Variants in RNF212 observed in about 807,000 individuals in gnomAD.
The protein encoded by RNF212 is ring finger protein 212.
In RNF212, 33 loss-of-function variants were observed where a neutral mutation model predicts 34.7. The observed-to-expected ratio is 0.95, with a 90% CI of 0.72 to 1.27. The LOEUF is 1.27. RNF212 is among the 50% of genes most tolerant of loss of function. The probability of loss-of-function intolerance (pLI) is 0.00; values close to 1 mark genes in which losing one functional copy is unlikely to be tolerated. For synonymous variants in RNF212, 140 were observed against 136.1 expected, an observed-to-expected ratio of 1.03 and a Z score of -0.20; for missense variants, 377 against 362.2, an observed-to-expected ratio of 1.04 and a Z score of -0.33.
chr4:1,056,482 G>A (rs2153030962), exon 5 of RNF212: 2 of 985,140 alleles, frequency 2.0e-6, no homozygotes, highest in Admixed American at 6.1e-5. Flanking sequence ...CTTTGTCTTT[G>A]AAATGACTTC....
At chr4:1,091,390 G>C (rs1280113924) in intron 3 of RNF212, among the ~76,000 whole-genome samples, 1 of 152,214 alleles carries the variant, frequency 6.6e-6, no homozygotes, top group Non-Finnish European at 1.5e-5. Context: ...AAGGAGGAAA[G>C]AGAGTCCTGT....
chr4:1,079,147 TCAACACAGGAC>T (rs1187338246), intron 8 of RNF212, among the ~76,000 whole-genome samples: 4 of 139,870 alleles, frequency 2.9e-5, no homozygotes, highest in Admixed American at 7.0e-5. Context: ...CAACACAGGG[TCAACACAGGAC>T]CAACATAGGA....
At position 1,073,151 on chromosome 4, in the gene RNF212, G is replaced by A. The variant is rs774918798; in HGVS notation, c.617C>T (p.Thr206Ile). ...TCCGGGCACAGGGGGCTTAGACAAG[G>A]TCAACCATGGGATGAAACAGAAAGA... ...TASFCFIPWL[T>I]LSKPPVPGEC... The change falls in exon 10 of 10, where the codon ACC becomes ATC. Residue 206 changes from threonine to isoleucine, a missense_variant. Thr to Ile is a moderately conservative substitution (Grantham distance 89). Transcript: ENST00000433731. The A allele has an allele frequency of 1.9e-6, 3 of 1,614,170 alleles. No homozygotes were observed. Among genetic ancestry groups the A allele is most frequent in the Non-Finnish European group, 8.5e-7 (1 of 1,180,012 alleles).
chr4:1,109,010 CTTT>C (rs71168810), intron 1 of RNF212, among the ~76,000 whole-genome samples: 1 of 135,838 alleles, frequency 7.4e-6, no homozygotes. Context: ...CATAATTAGC[CTTT>C]TTTTTTTTTT....
intron 3 of RNF212, among the ~76,000 whole-genome samples, chr4:1,060,313 G>A (rs1384621836): frequency 1.3e-5 from 2 of 152,196 alleles, no homozygotes; most frequent in Non-Finnish European, 2.9e-5. Flanking sequence ...TGTCCCACAG[G>A]GCTTGGAGAA....
intron 2 of RNF212, among the ~76,000 whole-genome samples, chr4:1,104,039 T>C (rs190904341): frequency 2.0e-5 from 3 of 152,330 alleles, no homozygotes; most frequent in African/African-American, 4.8e-5. Flanking sequence ...CTAGAGACAG[T>C]TAAGAAAATC....
rs1491194367 is a variant in RNF212, at chr4:1,093,539, GAC to G, written c.247-2703_247-2702del. The stretch of plus-strand genomic sequence containing the variant: ...CACGAGGTCACTGGGCAGAGCCTGT[GAC>G]CTCCACGGCCCATGCCGGAAGCCTG... On this transcript the variant is annotated intron_variant, in intron 3 of 9. Coordinates refer to ENST00000433731, the MANE Select transcript of RNF212 (RefSeq NM_001131034.4). 3.9e-4 allele frequency: 599 copies of G among 1,531,436 alleles called. 2 individuals are homozygous for G. The Middle Eastern group carries it at 4.4e-3, about 11-fold the overall frequency. The allele number at this position is 1,531,436 out of a possible 1,614,324, so 94.9% of individuals were successfully genotyped here. A position where few individuals can be genotyped will look rare whatever the true frequency, so the allele number is the denominator to read the frequency against.
Position 1,072,654 on chromosome 4 carries a change from A to G in RNF212, c.*220T>C. 8.9e-7 allele frequency: 1 copy of G among 1,121,038 alleles called. No homozygotes were observed. Among genetic ancestry groups the G allele is most frequent in the Middle Eastern group, 3.5e-4 (1 of 2,886 alleles). 69.4% of individuals were successfully genotyped at this position (1,121,038 alleles called of 1,614,324 possible). A position where few individuals can be genotyped will look rare whatever the true frequency, so the allele number is the denominator to read the frequency against. The stretch of plus-strand genomic sequence containing the variant: ...CCCTAAGCATGAGAACCTATAAAAT[A>G]AAAGGGATAATAACAATATATATGA... On this transcript the variant is annotated 3_prime_UTR_variant, in exon 10 of 10. Transcript: ENST00000433731.
At chr4:1,095,032 C>T (rs1491001949) in intron 3 of RNF212, among the ~76,000 whole-genome samples, 1 of 152,194 alleles carries the variant, frequency 6.6e-6, no homozygotes, top group Non-Finnish European at 1.5e-5. Context: ...AGGAACTTGC[C>T]TCCAGAACAC....
intron 2 of RNF212, among the ~76,000 whole-genome samples, chr4:1,106,517 T>TA (rs1245381873): frequency 3.9e-5 from 6 of 152,072 alleles, no homozygotes; most frequent in Non-Finnish European, 7.4e-5. Context: ...ATTCCTGAGT[T>TA]AAAAAAATAA....
intron 2 of RNF212, among the ~76,000 whole-genome samples, chr4:1,103,087 A>G (rs1191307107): frequency 1.3e-5 from 2 of 152,262 alleles, no homozygotes; most frequent in Admixed American, 1.3e-4. Flanking sequence ...TGGAACTTAC[A>G]GACATGAAAA....
chr4:1,100,821 A>G (rs952613007), intron 2 of RNF212: 2 of 153,252 alleles, frequency 1.3e-5, no homozygotes, highest in African/African-American at 4.8e-5. Flanking sequence ...GACAAAAATG[A>G]CCCATTACTG....
chr4:1,073,858 G>A (rs1339427588), intron 8 of RNF212, 196 bp from the exon 9 acceptor site: 2 of 611,136 alleles, frequency 3.3e-6, no homozygotes, highest in Non-Finnish European at 6.0e-6. Context: ...GGTGGTGTGG[G>A]TGGGTATTAC....
chr4:1,085,608 G>A, intron 5 of RNF212: 2 of 520,686 alleles, frequency 3.8e-6, no homozygotes, highest in Non-Finnish European at 3.4e-6. Flanking sequence ...TGAGAGGCCG[G>A]GGGCACCTGC....
downstream of RNF212, among the ~76,000 whole-genome samples, chr4:1,067,439 G>A (rs1560092937): frequency 6.6e-6 from 1 of 152,168 alleles, no homozygotes; most frequent in South Asian, 2.1e-4. Flanking sequence ...CTAACCATAT[G>A]TTGTCTATCA....
intron 3 of RNF212, among the ~76,000 whole-genome samples, chr4:1,065,088 C>T (rs1427246201): frequency 1.3e-5 from 2 of 152,244 alleles, no homozygotes; most frequent in Non-Finnish European, 2.9e-5. Flanking sequence ...GTGAATAATA[C>T]TGCTACGATC....
At chr4:1,098,550 G>A (rs1053908884) in intron 2 of RNF212, among the ~76,000 whole-genome samples, 3 of 152,138 alleles carry the variant, frequency 2.0e-5, no homozygotes, top group Non-Finnish European at 4.4e-5. Flanking sequence ...CTCGGATGGG[G>A]TAGGAGCTCC....
intron 3 of RNF212, among the ~76,000 whole-genome samples, chr4:1,059,370 T>G (rs948860932): frequency 6.6e-6 from 1 of 152,246 alleles, no homozygotes; most frequent in African/African-American, 2.4e-5. Context: ...GTGTGAGTGC[T>G]GCCTTCACTT....
intron 5 of RNF212, among the ~76,000 whole-genome samples, chr4:1,083,022 C>T (rs747585589): frequency 1.3e-5 from 2 of 152,074 alleles, no homozygotes; most frequent in Non-Finnish European, 2.9e-5. Context: ...GGGTCGGGGG[C>T]GCAGCGGTCT....
Sources: allele counts gnomAD v4.1 joint callset (sites outside exome capture counted in the v4.1 genomes callset), GRCh38; gene constraint gnomAD v4.1.1; transcripts MANE v1.5; gene names NCBI Gene and HGNC (gene_info 2026-07-23, HGNC 2026-07-21).